DHRS7: variants seen among roughly 807,000 people sequenced by gnomAD.
DHRS7 encodes the protein dehydrogenase/reductase 7.
Under a neutral mutation model 38.9 loss-of-function variants are expected in DHRS7, and 34 were observed. The ratio of observed to expected loss-of-function variants is 0.87; its 90% CI spans 0.66 to 1.16. The LOEUF is 1.16. Among genes scored for constraint, DHRS7 ranks in the 50% most tolerant of loss-of-function variants. DHRS7 has a pLI of 0.00. For missense variants in DHRS7, 421 were observed against 407.0 expected, an observed-to-expected ratio of 1.03 and a Z score of -0.30; for synonymous variants, 158 against 153.1, an observed-to-expected ratio of 1.03 and a Z score of -0.24.
Position 60,163,114 on chromosome 14 carries a change from G to A in DHRS7, c.133+2063C>T, listed in dbSNP as rs1048689168. On this transcript the variant is annotated intron_variant, in intron 1 of 6. Transcript: ENST00000557185. ...GAACCCAGGAGATAGAGGTTGCAGT[G>A]AGCCAAGATCATACCACTGCACTCC... is the stretch of plus-strand genomic sequence containing the variant. 2.6e-5 allele frequency among the ~76,000 whole-genome samples: 4 copies of A among 151,494 alleles called. No homozygotes were observed. In the East Asian group the frequency reaches 7.8e-4, roughly 29 times the overall value.
Position 60,149,406 on chromosome 14 carries a change from A to T in DHRS7, c.919T>A (p.Trp307Arg), listed in dbSNP as rs752102316. The change falls in exon 6 of 7, where the codon TGG becomes AGG. Residue 307 changes from tryptophan (W) to arginine (R), a missense_variant. Transcript: ENST00000557185. The stretch of plus-strand genomic sequence containing the variant: ...TTCTTCCCCATCTTGTTGGTTATCC[A>T]CCAGGCCCAGGTTGGCATGTATTGC... ...LWQYMPTWAW[W>R]ITNKMGKKRI... The T allele has an allele frequency of 1.9e-6, 3 of 1,614,178 alleles. No homozygotes were observed. In the South Asian group the frequency reaches 3.3e-5, roughly 18 times the overall value.
chr14:60,165,686 T>G, upstream of DHRS7: 1 of 1,021,204 alleles, frequency 9.8e-7, no homozygotes, highest in African/African-American at 1.7e-5. The surrounding 1 kb of genome is among the most constrained non-coding windows in gnomAD (Gnocchi z 4.6). Context: ...ACTACGTTAT[T>G]TCCTCTCTGT....
Position 60,146,147 on chromosome 14 carries a change from C to G in DHRS7, c.973-1134G>C, listed in dbSNP as rs989001037. On this transcript the variant is annotated intron_variant, in intron 6 of 6. Coordinates refer to ENST00000557185, the MANE Select transcript of DHRS7 (RefSeq NM_016029.4). The surrounding 1 kb of genome is among the most constrained non-coding windows in gnomAD (Gnocchi z 4.9). ...ATGCCCAGCTTATAATAAAGAGTGA[C>G]AAAGTAGTAAGACTATATAATAAGC... 6.6e-6 allele frequency: 1 copy of G among 151,316 alleles called. No individual in the cohort carries two copies. The highest frequency in any genetic ancestry group is 1.5e-5 in the Non-Finnish European group (1 of 67,842). 9.4% of individuals were successfully genotyped at this position (151,316 alleles called of 1,614,324 possible).
At chr14:60,169,168 CA>C (rs1436912740), upstream of DHRS7, 1 of 113,568 alleles carries the variant, frequency 8.8e-6, no homozygotes, top group Non-Finnish European at 1.7e-5. Context: ...AAAACCATTG[CA>C]CCAAGTAACA....
chr14:60,165,212 G>C lies in DHRS7; in HGVS notation c.98C>G (p.Thr33Arg), dbSNP rs1400912988. 6.2e-7 allele frequency: 1 copy of C among 1,612,598 alleles called. No individual in the cohort carries two copies. The highest frequency in any genetic ancestry group is 1.1e-5 in the South Asian group (1 of 90,978). Residue 33 changes from threonine (T) to arginine (R), a missense_variant, in exon 1 of 7, where the codon ACG becomes AGG. Thr to Arg is a moderately conservative substitution (Grantham distance 71). Transcript: ENST00000557185. The surrounding 1 kb of genome is among the most constrained non-coding windows in gnomAD (Gnocchi z 4.6). ...LRFLRADGDL[T>R]LLWAEWQGRR... The stretch of plus-strand genomic sequence containing the variant: ...TCCCTGCCACTCGGCCCATAGTAGC[G>C]TCAGGTCGCCGTCAGCCCTCAGGAA...
chr14:60,149,756 A>G (rs928540760), intron 5 of DHRS7, among the ~76,000 whole-genome samples, 188 bp from the exon 6 acceptor site: 1 of 152,052 alleles, frequency 6.6e-6, no homozygotes, highest in Admixed American at 6.6e-5. Context: ...AACAGAAACC[A>G]TATGCTTACT....
At chr14:60,157,964 G>C (rs1459195963) in intron 1 of DHRS7, among the ~76,000 whole-genome samples, 1 of 152,124 alleles carries the variant, frequency 6.6e-6, no homozygotes, top group Non-Finnish European at 1.5e-5. Flanking sequence ...CAGGTACGGT[G>C]GCTCACATCT....
At chr14:60,168,897 G>A (rs147783268), upstream of DHRS7, 32 of 1,021,370 alleles carry the variant, frequency 3.1e-5, no homozygotes, top group African/African-American at 3.8e-4. Context: ...GGCATTGAAA[G>A]TGGTTAGTCT....
At chr14:60,150,758 A>G (rs999665850) in intron 4 of DHRS7, among the ~76,000 whole-genome samples, 4 of 152,180 alleles carry the variant, frequency 2.6e-5, no homozygotes, top group South Asian at 4.1e-4. Flanking sequence ...GCTATTGTGA[A>G]TAGTGTATAA....
upstream of DHRS7, chr14:60,166,143 G>C: frequency 3.6e-6 from 3 of 843,456 alleles, no homozygotes; most frequent in Non-Finnish European, 4.3e-6. Context: ...TACTGTTTTT[G>C]ATTAATTTCC....
chr14:60,165,143 C>T lies in DHRS7; in HGVS notation c.133+34G>A. Reference sequence around the variant, plus strand: ...ACGCCTCGGCAGCTCCGAGCCCGGCCTCCCACTCGGGAGAGGCTTTGGCCG... The same window carrying T: ...ACGCCTCGGCAGCTCCGAGCCCGGCTTCCCACTCGGGAGAGGCTTTGGCCG... On this transcript the variant is annotated intron_variant, in intron 1 of 6. Coordinates refer to ENST00000557185, the MANE Select transcript of DHRS7 (RefSeq NM_016029.4). The surrounding 1 kb of genome is among the most constrained non-coding windows in gnomAD (Gnocchi z 4.6). The T allele has an allele frequency of 1.9e-6, 3 of 1,609,022 alleles. No individual in the cohort carries two copies. The highest frequency in any genetic ancestry group is 2.2e-5 in the South Asian group (2 of 90,388).
intron 2 of DHRS7, among the ~76,000 whole-genome samples, chr14:60,155,548 T>C (rs1896641088): frequency 6.6e-6 from 1 of 152,214 alleles, no homozygotes; most frequent in Admixed American, 6.5e-5. Flanking sequence ...AAGTTGTATT[T>C]TTTAAAGCTA....
chr14:60,147,844 T>C (rs1166092519), intron 6 of DHRS7: 1 of 152,234 alleles, frequency 6.6e-6, no homozygotes, highest in African/African-American at 2.4e-5. Context: ...GCTTCCTCTG[T>C]AGTAAGGTGG....
Position 60,144,575 on chromosome 14 carries a change from C to A in DHRS7, c.*391G>T. 4.8e-6 allele frequency: 1 copy of A among 207,664 alleles called. No homozygotes were observed. The highest frequency in any genetic ancestry group is 9.5e-6 in the Non-Finnish European group (1 of 104,912). The allele number at this position is 207,664 out of a possible 1,614,324, so 12.9% of individuals were successfully genotyped here. A position where few individuals can be genotyped will look rare whatever the true frequency, so the allele number is the denominator to read the frequency against. On this transcript the variant is annotated 3_prime_UTR_variant, in exon 7 of 7. Transcript: ENST00000557185. ...GATCAGCCTTCACCAGACACTAATT[C>A]TGCTGGTGCATTGGTCTTGGAATTC...
chr14:60,166,201 A>C (rs1421347700), upstream of DHRS7: 1 of 978,468 alleles, frequency 1.0e-6, no homozygotes, highest in African/African-American at 1.8e-5. Context: ...CTAAATACCT[A>C]CATGTATTTG....
In DHRS7 at chr14:60,149,372, T is replaced by A. The variant is rs759513450; in HGVS notation, c.953A>T (p.Glu318Val). The part of the protein sequence containing the change: ...ITNKMGKKRI[E>V]NFKSGVDADS... The stretch of plus-strand genomic sequence containing the variant: ...TCTTACCACACCACTCTTAAAGTTC[T>A]CAATCCTTTTCTTCCCCATCTTGTT... Residue 318 changes from glutamate to valine, a missense_variant, in exon 6 of 7, where the codon GAG (glutamate) becomes GTG (valine). Glu to Val is a moderately radical substitution (Grantham distance 121, BLOSUM62 -2). Transcript: ENST00000557185. 5.0e-6 allele frequency: 8 copies of A among 1,614,216 alleles called. No individual in the cohort carries two copies. The highest frequency in any genetic ancestry group is 6.8e-6 in the Non-Finnish European group (8 of 1,180,030).
chr14:60,166,001 A>G (rs1896862479), upstream of DHRS7, among the ~76,000 whole-genome samples: 1 of 152,236 alleles, frequency 6.6e-6, no homozygotes. Flanking sequence ...TTGGCAACCA[A>G]AGCCTAGGTT....
chr14:60,151,443 G>A (rs1444615951), intron 4 of DHRS7, among the ~76,000 whole-genome samples: 1 of 151,300 alleles, frequency 6.6e-6, no homozygotes, highest in African/African-American at 2.4e-5. Flanking sequence ...ATGTTAAACA[G>A]TTATCAGCTC....
chr14:60,165,421 C>T (rs577903394), upstream of DHRS7: 2 of 1,425,178 alleles, frequency 1.4e-6, no homozygotes, highest in African/African-American at 3.0e-5. This position sits in a 1 kb window ranked among gnomAD's most constrained non-coding sequence, Gnocchi z 4.6. Flanking sequence ...GCCGCACTGC[C>T]CCGGCTCCGC....
Sources: gnomAD v4.1 joint callset for allele counts (sites outside exome capture counted in the v4.1 genomes callset) on GRCh38, gnomAD v4.1.1 for gene constraint, Gnocchi (gnomAD v3.1) non-coding constraint, MANE v1.5 for transcripts, NCBI Gene and HGNC (gene_info 2026-07-23, HGNC 2026-07-21) for gene names.